DPYSL4: variants seen among roughly 807,000 people sequenced by gnomAD.
DPYSL4 encodes dihydropyrimidinase like 4.
Under a neutral mutation model 63.4 loss-of-function variants are expected in DPYSL4, and 43 were observed. That is an observed-to-expected ratio of 0.68 (90% CI 0.53 to 0.88). DPYSL4 has a LOEUF of 0.88. Ranked by LOEUF, DPYSL4 falls within the 40% of genes least tolerant of loss-of-function variation. The pLI is 0.00. For missense variants in DPYSL4, 733 were observed against 819.5 expected (o/e 0.89, Z 1.29); for synonymous variants, 353 against 331.7 (o/e 1.06, Z -0.70).
In DPYSL4 at chr10:132,199,016, G is replaced by T; in HGVS notation, c.811+45G>T. On this transcript the variant is annotated intron_variant, in intron 8 of 13. Coordinates refer to ENST00000338492, the MANE Select transcript of DPYSL4 (RefSeq NM_006426.3). The stretch of plus-strand genomic sequence containing the variant: ...TCTGATGCCGAGGGGCCATGGTCTC[G>T]GCCTCCTGGGTGCAGCCCTGGGGAG... 1.3e-6 allele frequency: 2 copies of T among 1,593,222 alleles called. 1 individual carries two copies.
At chr10:132,201,035 G>T in intron 10 of DPYSL4, 52 bp downstream of exon 10, 6 of 1,596,478 alleles carry the variant, frequency 3.8e-6, no homozygotes, top group Non-Finnish European at 5.1e-6. Flanking sequence ...CTGTGGGCGG[G>T]ATTGTGATGG....
At chr10:132,199,099 T>C in intron 8 of DPYSL4, 128 bp downstream of exon 8, 1 of 1,370,920 alleles carries the variant, frequency 7.3e-7, no homozygotes, top group Non-Finnish European at 9.7e-7. Context: ...AGTCCCTGCA[T>C]CGGGGTGGGG....
chr10:132,195,998 A>G (rs1340892386), intron 4 of DPYSL4, among the ~76,000 whole-genome samples: 1 of 152,192 alleles, frequency 6.6e-6, no homozygotes, highest in East Asian at 1.9e-4. Flanking sequence ...CAACCCAAAC[A>G]TGACCTTCCT....
chr10:132,197,100 A>C lies in DPYSL4; in HGVS notation c.620A>C (p.Glu207Ala). 1 of 1,508,838 alleles carries C rather than the reference A, an allele frequency of 6.6e-7. No individual in the cohort carries two copies. Among genetic ancestry groups the C allele is most frequent in the Non-Finnish European group, 8.9e-7 (1 of 1,124,712 alleles). The allele number at this position is 1,508,838 out of a possible 1,614,324, so 93.5% of individuals were successfully genotyped here. A position where few individuals can be genotyped will look rare whatever the true frequency, so the allele number is the denominator to read the frequency against. ...VHAENGDIVE[E>A]EQKRLLELGI... ...GCTGAGAACGGGGACATCGTGGAGG[A>C]GGTGCCGTGGGGCAGGGCTGCCGTG... The change falls in exon 6 of 14, where the codon GAG becomes GCG. Residue 207 changes from glutamate to alanine, a missense_variant and splice_region_variant. By Grantham distance (107) the Glu-to-Ala change is moderately radical. Transcript: ENST00000338492.
intron 2 of DPYSL4, 83 bp from the exon 3 acceptor site, chr10:132,192,575 C>T: frequency 6.6e-7 from 1 of 1,507,480 alleles, no homozygotes; most frequent in African/African-American, 1.4e-5. Flanking sequence ...CATGCAAACC[C>T]TTTAGCTCTG....
Position 132,198,490 on chromosome 10 carries a change from T to C in DPYSL4, c.690+7T>C. 6.3e-7 allele frequency: 1 copy of C among 1,597,984 alleles called. No homozygotes were observed. The highest frequency in any genetic ancestry group is 8.5e-7 in the Non-Finnish European group (1 of 1,175,614). Reference sequence around the variant, plus strand: ...GCTCAGCCACCCCGAGGAGGTAAGATCCCAGGGCACCACAGCACACCCGAG... The same window carrying C: ...GCTCAGCCACCCCGAGGAGGTAAGACCCCAGGGCACCACAGCACACCCGAG... On this transcript the variant is annotated splice_region_variant and intron_variant, in intron 7 of 13. Transcript: ENST00000338492.
At chr10:132,187,302 C>G (rs959500936) in intron 1 of DPYSL4, among the ~76,000 whole-genome samples, 200 bp downstream of exon 1, 2 of 151,234 alleles carry the variant, frequency 1.3e-5, no homozygotes, top group African/African-American at 4.9e-5. Flanking sequence ...CCGCGCAGAC[C>G]CCCTTAAGGA....
chr10:132,199,329 G>A (rs908101330), intron 8 of DPYSL4, among the ~76,000 whole-genome samples: 1 of 152,172 alleles, frequency 6.6e-6, no homozygotes, highest in African/African-American at 2.4e-5. Context: ...TATTTGCTGT[G>A]TCCAGAGCCG....
chr10:132,201,182 C>T (rs555653588), intron 10 of DPYSL4, among the ~76,000 whole-genome samples, 199 bp downstream of exon 10: 109 of 152,306 alleles, frequency 7.2e-4, no homozygotes, highest in African/African-American at 2.6e-3. Context: ...ACTCCAACAG[C>T]AACAGGGGCA....
rs201389968 is a variant in DPYSL4 at position 132,203,943 on chromosome 10, G to A, written c.1627+16G>A. ...AGCCTATCTGGTGAGTTGGGCCTGG[G>A]GCACCAGTGGGGGTGAGGGGCTCTG... is the stretch of plus-strand genomic sequence containing the variant. On this transcript the variant is annotated intron_variant, in intron 13 of 13. Transcript: ENST00000338492. 3 of 1,585,598 alleles carry A rather than the reference G, an allele frequency of 1.9e-6. No homozygotes were observed. The highest frequency in any genetic ancestry group is 1.7e-6 in the Non-Finnish European group (2 of 1,159,638).
Position 132,197,116 on chromosome 10 carries a change from G to A in DPYSL4, c.621+15G>A, listed in dbSNP as rs1337119416. 6.8e-7 allele frequency: 1 copy of A among 1,480,668 alleles called. No individual in the cohort carries two copies. The highest frequency in any genetic ancestry group is 1.4e-5 in the African/African-American group (1 of 70,090). 91.7% of individuals were successfully genotyped at this position (1,480,668 alleles called of 1,614,324 possible). On this transcript the variant is annotated intron_variant, in intron 6 of 13. Transcript: ENST00000338492. ...TCGTGGAGGAGGTGCCGTGGGGCAG[G>A]GCTGCCGTGGGGCAGGCACAGGGGC...
intron 1 of DPYSL4, among the ~76,000 whole-genome samples, chr10:132,188,107 G>A (rs1243428367): frequency 6.6e-6 from 1 of 152,202 alleles, no homozygotes; most frequent in Non-Finnish European, 1.5e-5. Context: ...GTCTGGTCTT[G>A]ATGCAGGAGG....
chr10:132,193,362 T>A lies in DPYSL4; in HGVS notation c.313+520T>A, dbSNP rs191862163. ...GAGTTGCTATTTCTGTAGTGCTGGC[T>A]GCGTGCCCGGCACGGGCTCTATCCT... On this transcript the variant is annotated intron_variant, in intron 3 of 13. Coordinates refer to ENST00000338492, the MANE Select transcript of DPYSL4 (RefSeq NM_006426.3). Among the ~76,000 whole-genome samples the A allele has an allele frequency of 2.2e-4, 34 of 152,390 alleles. No homozygotes were observed. The East Asian group carries it at 2.3e-3, about 10-fold the overall frequency.
intron 1 of DPYSL4, among the ~76,000 whole-genome samples, chr10:132,190,214 A>G (rs2061855382): frequency 6.6e-6 from 1 of 152,240 alleles, no homozygotes; most frequent in African/African-American, 2.4e-5. Context: ...AGTGGGAGGC[A>G]GCCTCCTGGG....
At chr10:132,197,189 T>C in intron 6 of DPYSL4, 88 bp downstream of exon 6, 2 of 1,157,692 alleles carry the variant, frequency 1.7e-6, no homozygotes, top group Admixed American at 2.9e-5. Flanking sequence ...GGTCTGAGGG[T>C]GACTTTCATG....
intron 1 of DPYSL4, among the ~76,000 whole-genome samples, chr10:132,189,512 G>A (rs2061846520): frequency 6.6e-6 from 1 of 152,176 alleles, no homozygotes; most frequent in Non-Finnish European, 1.5e-5. Context: ...GTGCTGCCAG[G>A]GCTGACCTAC....
In DPYSL4 at chr10:132,200,403, G is replaced by A. The variant is rs754068086; in HGVS notation, c.859G>A (p.Gly287Ser). Residue 287 changes from glycine (G) to serine (S), a missense_variant, in exon 9 of 14, where the codon GGT becomes AGT. Physicochemically the swap from Gly to Ser is moderately conservative, Grantham distance 56. Coordinates refer to ENST00000338492, the MANE Select transcript of DPYSL4 (RefSeq NM_006426.3). ...CATCACCGCCAGCCTGGGCACCGAC[G>A]GTTCACACTACTGGAGCAAGAACTG... is the stretch of plus-strand genomic sequence containing the variant. ...EPITASLGTD[G>S]SHYWSKNWAK... The A allele has an allele frequency of 1.1e-5, 17 of 1,613,390 alleles. No homozygotes were observed. The highest frequency in any genetic ancestry group is 3.3e-5 in the Admixed American group (2 of 59,994).
chr10:132,187,600 T>C (rs959453105), intron 1 of DPYSL4, among the ~76,000 whole-genome samples: 3 of 152,184 alleles, frequency 2.0e-5, no homozygotes, highest in African/African-American at 7.2e-5. Context: ...TTGGACGCAC[T>C]GGCGCTGCGT....
chr10:132,203,629 T>G lies in DPYSL4; in HGVS notation c.1462-133T>G. 3 of 837,262 alleles carry G rather than the reference T, an allele frequency of 3.6e-6. No homozygotes were observed. In the South Asian group the frequency reaches 5.5e-5, roughly 15 times the overall value. 51.9% of individuals were successfully genotyped at this position (837,262 alleles called of 1,614,324 possible). On this transcript the variant is annotated intron_variant, in intron 12 of 13. Coordinates refer to ENST00000338492, the MANE Select transcript of DPYSL4 (RefSeq NM_006426.3). The stretch of plus-strand genomic sequence containing the variant: ...CAGGGCAGCCCCAAATTCCTGAAGC[T>G]GGCACTGGAGAGGCGCAGAGCAGGC...
Sources: gnomAD v4.1 joint callset for allele counts (sites outside exome capture counted in the v4.1 genomes callset) on GRCh38, gnomAD v4.1.1 for gene constraint, MANE v1.5 for transcripts, NCBI Gene and HGNC (gene_info 2026-07-23, HGNC 2026-07-21) for gene names.